F13A1: variants seen among roughly 807,000 people sequenced by gnomAD.
The protein encoded by F13A1 is coagulation factor XIII A chain.
A neutral mutation model predicts 80.1 loss-of-function variants in F13A1; 47 were observed. The observed-to-expected ratio is 0.59, with a 90% confidence interval of 0.46 to 0.75. F13A1 has a LOEUF of 0.75. F13A1 is among the 30% of genes least tolerant of loss of function. The probability of loss-of-function intolerance (pLI) is 0.00; values close to 1 mark genes in which losing one functional copy is unlikely to be tolerated. For synonymous variants in F13A1, 349 were observed against 344.9 expected (o/e 1.01, Z -0.13); for missense variants, 817 against 930.4 (o/e 0.88, Z 1.59).
intron 13 of F13A1, among the ~76,000 whole-genome samples, chr6:6,166,963 G>A (rs1222428670): frequency 6.6e-6 from 1 of 152,172 alleles, no homozygotes; most frequent in East Asian, 1.9e-4. Context: ...CTGGCTTGTG[G>A]TTGCAAGGCA....
At chr6:6,182,182 C>T (rs377642530) in intron 10 of F13A1, 41 bp from the exon 11 acceptor site, 3 of 1,611,140 alleles carry the variant, frequency 1.9e-6, no homozygotes, top group African/African-American at 2.7e-5. Flanking sequence ...CATCACATGT[C>T]TGCTGTTGCC....
At chr6:6,249,424 G>C (rs1163487795) in intron 5 of F13A1, among the ~76,000 whole-genome samples, 1 of 152,186 alleles carries the variant, frequency 6.6e-6, no homozygotes, top group Non-Finnish European at 1.5e-5. Flanking sequence ...GGAGAGTTAA[G>C]GAAATAGTCA....
chr6:6,165,607 A>C (rs898972293), intron 13 of F13A1, among the ~76,000 whole-genome samples: 2 of 152,154 alleles, frequency 1.3e-5, no homozygotes, highest in Non-Finnish European at 2.9e-5. Context: ...GCAATAGCCC[A>C]GAAGGGTAGC....
intron 8 of F13A1, among the ~76,000 whole-genome samples, chr6:6,197,639 C>T (rs1397229134): frequency 2.0e-5 from 3 of 151,546 alleles, no homozygotes; most frequent in Admixed American, 6.6e-5. Context: ...GATTGTGCCA[C>T]TGCACTTCAG....
At chr6:6,195,038 G>A (rs1457728431) in intron 10 of F13A1, among the ~76,000 whole-genome samples, 1 of 152,180 alleles carries the variant, frequency 6.6e-6, no homozygotes, top group African/African-American at 2.4e-5. Flanking sequence ...ATATACCCTG[G>A]GGAAGTCCTG....
intron 6 of F13A1, among the ~76,000 whole-genome samples, chr6:6,240,948 C>T (rs1362599205): frequency 6.6e-6 from 1 of 151,990 alleles, no homozygotes; most frequent in African/African-American, 2.4e-5. Context: ...TAATTTAGTA[C>T]TTTACTCTGT....
intron 10 of F13A1, among the ~76,000 whole-genome samples, chr6:6,186,824 A>AT (rs1761088287): frequency 6.6e-6 from 1 of 150,584 alleles, no homozygotes; most frequent in Admixed American, 6.6e-5. Flanking sequence ...CAGTATGGCC[A>AT]TTTTCACGAT....
Position 6,145,836 on chromosome 6 carries a change from A to G in F13A1, c.2046-64T>C, listed in dbSNP as rs1760268351. On this transcript the variant is annotated intron_variant, in intron 14 of 14. Coordinates refer to ENST00000264870, the MANE Select transcript of F13A1 (RefSeq NM_000129.4). ...AGCTTTCCACTTTGATCAGGAAGCA[A>G]TGAAAACTCTTGCCTAAGTCACTTG... is the stretch of plus-strand genomic sequence containing the variant. 14 of 1,609,558 alleles carry G rather than the reference A, an allele frequency of 8.7e-6. No individual in the cohort carries two copies. In the South Asian group the frequency reaches 9.9e-5, roughly 11 times the overall value.
rs573810477 is a variant in F13A1, at chr6:6,281,247, T to C, written c.320-14438A>G. Reference sequence around the variant, plus strand: ...CATATCTTAAATGAATAAATTGCCATAATAGAATTTCACTCATTGCATAAA... The same window carrying C: ...CATATCTTAAATGAATAAATTGCCACAATAGAATTTCACTCATTGCATAAA... On this transcript the variant is annotated intron_variant, in intron 3 of 14. Coordinates refer to ENST00000264870, the MANE Select transcript of F13A1 (RefSeq NM_000129.4). Among the ~76,000 whole-genome samples, 3 of 152,364 alleles carry C rather than the reference T, an allele frequency of 2.0e-5. No individual in the cohort carries two copies. In the South Asian group the frequency reaches 6.2e-4, roughly 32 times the overall value.
intron 13 of F13A1, among the ~76,000 whole-genome samples, chr6:6,152,664 G>C (rs993837981): frequency 6.6e-6 from 1 of 152,118 alleles, no homozygotes; most frequent in African/African-American, 2.4e-5. Flanking sequence ...CTGAGACTCA[G>C]TTTTCTTGTC....
intron 4 of F13A1, among the ~76,000 whole-genome samples, chr6:6,252,070 G>T (rs1400657802): frequency 1.3e-5 from 2 of 152,130 alleles, no homozygotes; most frequent in East Asian, 1.9e-4. Flanking sequence ...AAATCCCACA[G>T]TGGTTAGAGA....
At chr6:6,158,984 C>T (rs1760527522) in intron 13 of F13A1, among the ~76,000 whole-genome samples, 1 of 150,476 alleles carries the variant, frequency 6.6e-6, no homozygotes, top group Non-Finnish European at 1.5e-5. Flanking sequence ...TCACTGCAAG[C>T]TCTGCCTCCC....
intron 3 of F13A1, among the ~76,000 whole-genome samples, chr6:6,277,101 A>C (rs72817051): frequency 0.046 from 6,997 of 151,860 alleles, 204 homozygotes; most frequent in Admixed American, 0.081. Flanking sequence ...GTTAAAATAG[A>C]GATCATAAGA....
Position 6,277,411 on chromosome 6 carries a change from G to T in F13A1, c.320-10602C>A, listed in dbSNP as rs978622470. On this transcript the variant is annotated intron_variant, in intron 3 of 14. Coordinates refer to ENST00000264870, the MANE Select transcript of F13A1 (RefSeq NM_000129.4). ...CAATAAAATATATAATTATAAACAA[G>T]ACCCAAGGCCACACCAGGCAAGGAT... Among the ~76,000 whole-genome samples the T allele has an allele frequency of 8.3e-5, 11 of 132,874 alleles. 1 individual carries two copies. Among genetic ancestry groups the T allele is most frequent in the Non-Finnish European group, 1.7e-5 (1 of 59,350 alleles). The allele number at this position is 132,874 out of a possible 152,430, so 87.2% of individuals were successfully genotyped here.
At chr6:6,238,644 G>A (rs1757444447) in intron 6 of F13A1, among the ~76,000 whole-genome samples, 1 of 151,324 alleles carries the variant, frequency 6.6e-6, no homozygotes, top group Non-Finnish European at 1.5e-5. Flanking sequence ...TATATACACA[G>A]AGCAACTATA....
At position 6,204,552 on chromosome 6, in the gene F13A1, A is replaced by G. The variant is rs773185137; in HGVS notation, c.1113-7226T>C. On this transcript the variant is annotated intron_variant, in intron 8 of 14. Coordinates refer to ENST00000264870, the MANE Select transcript of F13A1 (RefSeq NM_000129.4). ...CAACAATATTGTTGACAATAATGAC[A>G]GGACATCCTGGATTATTAAGCTCTG... 3.9e-5 allele frequency among the ~76,000 whole-genome samples: 6 copies of G among 152,350 alleles called. No individual in the cohort carries two copies. In the South Asian group the frequency reaches 1.0e-3, roughly 26 times the overall value.
intron 3 of F13A1, among the ~76,000 whole-genome samples, chr6:6,287,314 C>T (rs961050765): frequency 1.3e-5 from 2 of 152,212 alleles, no homozygotes; most frequent in Admixed American, 6.5e-5. Flanking sequence ...CACAGTCCGT[C>T]CTCCCTGAGT....
Position 6,250,962 on chromosome 6 carries a change from C to T in F13A1, c.572-33G>A. 7 of 1,422,752 alleles carry T rather than the reference C, an allele frequency of 4.9e-6. No individual in the cohort carries two copies. The highest frequency in any genetic ancestry group is 6.0e-6 in the Non-Finnish European group (6 of 1,007,714). 88.1% of individuals were successfully genotyped at this position (1,422,752 alleles called of 1,614,324 possible). On this transcript the variant is annotated intron_variant, in intron 4 of 14. Coordinates refer to ENST00000264870, the MANE Select transcript of F13A1 (RefSeq NM_000129.4). The surrounding 1 kb of genome is among the most constrained non-coding windows in gnomAD (Gnocchi z 4.2). ...AGGGTTTAAACATAGTGACTATTAC[C>T]AAACCAGACTGTTTCCAAACACTTG... is the stretch of plus-strand genomic sequence containing the variant.
At chr6:6,202,227 T>A (rs1489175237) in intron 8 of F13A1, among the ~76,000 whole-genome samples, 2 of 151,196 alleles carry the variant, frequency 1.3e-5, no homozygotes, top group Non-Finnish European at 2.9e-5. Flanking sequence ...TAATTTCATC[T>A]ACTGATTCTC....
Sources: gnomAD v4.1 joint callset for allele counts (sites outside exome capture counted in the v4.1 genomes callset) on GRCh38, gnomAD v4.1.1 for gene constraint, Gnocchi (gnomAD v3.1) non-coding constraint, MANE v1.5 for transcripts, NCBI Gene and HGNC (gene_info 2026-07-23, HGNC 2026-07-21) for gene names.